Variants in COMMD1 observed in about 807,000 individuals in gnomAD.
COMMD1 encodes copper metabolism domain containing 1.
In COMMD1, 10 loss-of-function variants were observed where a neutral mutation model predicts 17.2. The ratio of observed to expected loss-of-function variants is 0.58; its 90% CI spans 0.36 to 0.99. The LOEUF (loss-of-function observed/expected upper bound fraction) is 0.99, where lower values mean the gene tolerates loss of function less well. COMMD1 is among the 50% of genes least tolerant of loss of function. The pLI is 0.01. For synonymous variants in COMMD1, 97 were observed against 91.6 expected (o/e 1.06, Z -0.34); for missense variants, 270 against 231.8 (o/e 1.17, Z -1.07).
intron 1 of COMMD1, among the ~76,000 whole-genome samples, chr2:61,927,224 T>C (rs2105202682): frequency 6.6e-6 from 1 of 152,316 alleles, no homozygotes; most frequent in Admixed American, 6.5e-5. Flanking sequence ...ACCTTTTTTG[T>C]GTAAGGATTG....
At chr2:62,127,454 T>G (rs1672914076) in intron 2 of COMMD1, among the ~76,000 whole-genome samples, 1 of 152,126 alleles carries the variant, frequency 6.6e-6, no homozygotes, top group South Asian at 2.1e-4. Context: ...GCCGAAGATA[T>G]CATGCTACCA....
chr2:61,912,037 C>G (rs971006069), intron 1 of COMMD1, among the ~76,000 whole-genome samples: 1 of 152,094 alleles, frequency 6.6e-6, no homozygotes, highest in Non-Finnish European at 1.5e-5. Context: ...TTATAAAGAC[C>G]CTCATTCTTC....
intron 2 of COMMD1, among the ~76,000 whole-genome samples, chr2:62,066,457 A>G: frequency 7.0e-6 from 1 of 143,082 alleles, no homozygotes; most frequent in South Asian, 2.2e-4. Context: ...TTTTTTTGAG[A>G]TGGAGTCTCG....
chr2:62,108,458 T>C (rs1392414595), intron 2 of COMMD1, among the ~76,000 whole-genome samples: 1 of 152,106 alleles, frequency 6.6e-6, no homozygotes, highest in African/African-American at 2.4e-5. Flanking sequence ...AAGTGGTAAA[T>C]TGTAGAGATG....
intron 2 of COMMD1, among the ~76,000 whole-genome samples, chr2:62,049,588 G>A (rs9631049): frequency 0.012 from 1,872 of 152,234 alleles, 28 homozygotes; most frequent in African/African-American, 0.042. Context: ...GTCTTACCAT[G>A]GTTGAGAAAC....
intron 1 of COMMD1, among the ~76,000 whole-genome samples, chr2:61,944,584 TCTTAA>T (rs1322527543): frequency 3.3e-5 from 5 of 152,200 alleles, no homozygotes; most frequent in Non-Finnish European, 7.3e-5. Flanking sequence ...CCTCAGCCAC[TCTTAA>T]CTTTGTAGCT....
intron 2 of COMMD1, among the ~76,000 whole-genome samples, chr2:62,090,352 C>T (rs1671792288): frequency 1.3e-5 from 2 of 152,160 alleles, no homozygotes; most frequent in South Asian, 2.1e-4. Context: ...TGTGATTAGC[C>T]TCCTTATCAA....
chr2:62,070,299 T>C (rs1671164418), intron 2 of COMMD1: 1 of 152,226 alleles, frequency 6.6e-6, no homozygotes, highest in Non-Finnish European at 1.5e-5. Flanking sequence ...CTCACGCTTG[T>C]AATCTCAGTA....
At chr2:62,060,074 A>G (rs1333815628) in intron 2 of COMMD1, among the ~76,000 whole-genome samples, 2 of 152,176 alleles carry the variant, frequency 1.3e-5, no homozygotes, top group Non-Finnish European at 2.9e-5. Context: ...CATGCCTGTA[A>G]TCCCAGCACT....
At chr2:62,059,679 T>C (rs1159536509) in intron 2 of COMMD1, among the ~76,000 whole-genome samples, 1 of 152,180 alleles carries the variant, frequency 6.6e-6, no homozygotes, top group East Asian at 1.9e-4. Context: ...GAGAGCTTCC[T>C]GCCTCAGCCA....
intron 1 of COMMD1, among the ~76,000 whole-genome samples, chr2:61,958,302 T>C (rs1671247374): frequency 6.6e-6 from 1 of 151,778 alleles, no homozygotes; most frequent in African/African-American, 2.4e-5. Context: ...GTTTTGCTCT[T>C]GTTGCCCAGG....
At chr2:62,121,460 T>A (rs1051222420) in intron 2 of COMMD1, among the ~76,000 whole-genome samples, 5 of 147,544 alleles carry the variant, frequency 3.4e-5, no homozygotes, top group Non-Finnish European at 4.5e-5. Context: ...AAAACAGGAC[T>A]GGGCGTGTTG....
At chr2:62,058,927 T>C (rs1469933992) in intron 2 of COMMD1, among the ~76,000 whole-genome samples, 3 of 151,152 alleles carry the variant, frequency 2.0e-5, no homozygotes, top group Non-Finnish European at 4.4e-5. Context: ...ATTACAGGCA[T>C]GTGCTGCCAT....
At chr2:61,983,788 A>G (rs535871474) in intron 1 of COMMD1, among the ~76,000 whole-genome samples, 128 of 152,042 alleles carry the variant, frequency 8.4e-4, no homozygotes, top group African/African-American at 2.7e-3. Flanking sequence ...AACCAACTGC[A>G]TTTTGTTGAT....
At chr2:61,970,824 A>C (rs1573015376) in intron 1 of COMMD1, among the ~76,000 whole-genome samples, 1 of 152,180 alleles carries the variant, frequency 6.6e-6, no homozygotes, top group South Asian at 2.1e-4. Context: ...TATTTTATCT[A>C]GTTTGTTAAA....
At chr2:62,019,049 C>T (rs1669533849) in intron 2 of COMMD1, among the ~76,000 whole-genome samples, 1 of 129,914 alleles carries the variant, frequency 7.7e-6, no homozygotes, top group Non-Finnish European at 1.6e-5. Flanking sequence ...CTCCCTCCTT[C>T]CTTCCTTTCT....
At chr2:61,916,738 T>C (rs1049458284) in intron 1 of COMMD1, among the ~76,000 whole-genome samples, 3 of 152,182 alleles carry the variant, frequency 2.0e-5, no homozygotes, top group Admixed American at 2.0e-4. Context: ...GTATTTAGCT[T>C]TTTAAAAATT....
intron 2 of COMMD1, among the ~76,000 whole-genome samples, chr2:62,084,018 C>T (rs1268068095): frequency 6.6e-6 from 1 of 152,176 alleles, no homozygotes; most frequent in Non-Finnish European, 1.5e-5. Context: ...TCTGTTTTCT[C>T]CTAAATAAAG....
intron 2 of COMMD1, among the ~76,000 whole-genome samples, chr2:62,132,516 A>G (rs747606958): frequency 1.3e-5 from 2 of 152,122 alleles, no homozygotes; most frequent in African/African-American, 2.4e-5. Flanking sequence ...GTAATCACTA[A>G]TTTCTAGACC....
Sources: gnomAD v4.1 joint callset for allele counts (sites outside exome capture counted in the v4.1 genomes callset) on GRCh38, gnomAD v4.1.1 for gene constraint, MANE v1.5 for transcripts, NCBI Gene and HGNC (gene_info 2026-07-23, HGNC 2026-07-21) for gene names.